TENM1: variants seen among roughly 807,000 people sequenced by gnomAD.
The protein encoded by TENM1 is teneurin-1.
In TENM1, 35 loss-of-function variants were observed where a neutral mutation model predicts 174.8. The observed-to-expected ratio is 0.20, with a 90% CI of 0.15 to 0.27. TENM1 has a LOEUF of 0.27. Among genes scored for constraint, TENM1 ranks in the 10% least tolerant of loss-of-function variants. The pLI is 1.00. For synonymous variants in TENM1, 781 were observed against 798.7 expected, an observed-to-expected ratio of 0.98 and a Z score of 0.37; for missense variants, 1,633 against 2,130.1, an observed-to-expected ratio of 0.77 and a Z score of 4.59.
intron 3 of TENM1, among the ~76,000 whole-genome samples, chrX:124,843,033 C>A (rs1206135754): frequency 9.0e-6 from 1 of 111,044 alleles, no homozygotes; most frequent in Non-Finnish European, 1.9e-5. Flanking sequence ...CAGGTCCTTT[C>A]ATCAAGCATG....
At chrX:125,182,990 T>G in the TENM1 span, among the ~76,000 whole-genome samples, 1 of 112,023 alleles carries the variant, frequency 8.9e-6, no homozygotes. Context: ...ATCAGTGGAA[T>G]GCAGAGCAAA....
chrX:124,751,613 G>A (rs2054071120), intron 3 of TENM1, among the ~76,000 whole-genome samples: 1 of 106,337 alleles, frequency 9.4e-6, no homozygotes, highest in African/African-American at 3.4e-5. Context: ...TTAGCATTAG[G>A]TTTATCTCCT....
chrX:124,488,190 T>C (rs138854073), intron 20 of TENM1, among the ~76,000 whole-genome samples: 3 of 112,249 alleles, frequency 2.7e-5, no homozygotes, highest in Admixed American at 9.4e-5. Context: ...AGTCTGTGTA[T>C]AGGCCTGACT....
At chrX:124,608,064 C>A (rs749638799) in intron 11 of TENM1, among the ~76,000 whole-genome samples, 2 of 111,015 alleles carry the variant, frequency 1.8e-5, no homozygotes, top group South Asian at 3.8e-4. Context: ...ATGTGTAAAT[C>A]GATTGCTACA....
intron 3 of TENM1, among the ~76,000 whole-genome samples, chrX:124,788,110 T>TA (rs1207290373): frequency 9.0e-6 from 1 of 111,407 alleles, no homozygotes; most frequent in Non-Finnish European, 1.9e-5. Flanking sequence ...CCTGCCCCTA[T>TA]AATTCAATAA....
At chrX:125,078,695 C>T in the TENM1 span, among the ~76,000 whole-genome samples, 2 of 111,149 alleles carry the variant, frequency 1.8e-5, no homozygotes, top group Admixed American at 9.6e-5. Context: ...GCAAACAATA[C>T]AGAAATAATA....
At chrX:124,909,888 C>A (rs1029856290) in intron 1 of TENM1, among the ~76,000 whole-genome samples, 7 of 112,072 alleles carry the variant, frequency 6.2e-5, no homozygotes, top group Middle Eastern at 4.6e-3. Flanking sequence ...CATGTTATCA[C>A]CCAACTAGAG....
chrX:124,685,561 G>GTTTTTTTT (rs201481902), intron 5 of TENM1, among the ~76,000 whole-genome samples: 1 of 94,496 alleles, frequency 1.1e-5, no homozygotes, highest in African/African-American at 4.0e-5. Context: ...AAGCAAATCT[G>GTTTTTTTT]TTTTTTTTTT....
chrX:124,572,756 T>G (rs926621614), intron 11 of TENM1, among the ~76,000 whole-genome samples: 1 of 111,134 alleles, frequency 9.0e-6, no homozygotes, highest in African/African-American at 3.3e-5. Flanking sequence ...ACGTACTTTT[T>G]TTTTCTAAAT....
intron 27 of TENM1, among the ~76,000 whole-genome samples, chrX:124,396,819 C>T (rs1306213134): frequency 9.0e-6 from 1 of 111,484 alleles, no homozygotes; most frequent in Non-Finnish European, 1.9e-5. Context: ...CTACACTAAT[C>T]CTTTCCCTGG....
intron 3 of TENM1, among the ~76,000 whole-genome samples, chrX:124,810,707 T>A (rs1425161163): frequency 9.0e-6 from 1 of 111,573 alleles, no homozygotes; most frequent in African/African-American, 3.3e-5. Flanking sequence ...CTAAAATGTA[T>A]ATGGAATCAC....
At chrX:125,028,871 G>A in the TENM1 span, among the ~76,000 whole-genome samples, 4 of 111,488 alleles carry the variant, frequency 3.6e-5, no homozygotes, top group South Asian at 3.8e-4. Context: ...TGTCTGTAAC[G>A]TTTTATTCTT....
chrX:124,724,159 A>G (rs761025978), intron 4 of TENM1, among the ~76,000 whole-genome samples: 4 of 111,608 alleles, frequency 3.6e-5, no homozygotes, highest in Non-Finnish European at 5.6e-5. Flanking sequence ...GTGTTCCAAT[A>G]TTTCCAAAAT....
chrX:125,154,237 C>A, the TENM1 span, among the ~76,000 whole-genome samples: 2 of 112,218 alleles, frequency 1.8e-5, no homozygotes, highest in East Asian at 5.6e-4. Context: ...ACTGGCATTA[C>A]ATTTTTTTAA....
At chrX:124,546,790 T>C in intron 15 of TENM1, 84 bp downstream of exon 18, 4 of 816,382 alleles carry the variant, frequency 4.9e-6, no homozygotes, top group Non-Finnish European at 7.2e-6. Flanking sequence ...GGAAGTAACC[T>C]GATCCTTAGA....
chrX:125,116,736 G>T, the TENM1 span, among the ~76,000 whole-genome samples: 2 of 112,290 alleles, frequency 1.8e-5, no homozygotes, highest in Non-Finnish European at 3.8e-5. Context: ...AAACGGCTGG[G>T]CATGGTGGCT....
chrX:124,837,340 C>T (rs1197223421), intron 3 of TENM1, among the ~76,000 whole-genome samples: 2 of 112,145 alleles, frequency 1.8e-5, no homozygotes, highest in African/African-American at 3.2e-5. Context: ...CCACCCGACT[C>T]GGCCTCCCAA....
intron 3 of TENM1, among the ~76,000 whole-genome samples, chrX:124,885,586 T>G (rs1330921374): frequency 9.0e-6 from 1 of 111,001 alleles, no homozygotes; most frequent in Non-Finnish European, 1.9e-5. Context: ...TGGATCCTGA[T>G]AAGGACACAT....
the TENM1 span, among the ~76,000 whole-genome samples, chrX:125,106,411 CTTT>C: frequency 1.0e-5 from 1 of 98,372 alleles, no homozygotes; most frequent in Non-Finnish European, 2.1e-5. Context: ...TTTTGAATAA[CTTT>C]TTTTTTTTTT....
Sources: gnomAD v4.1 joint callset for allele counts (sites outside exome capture counted in the v4.1 genomes callset) on GRCh38, gnomAD v4.1.1 for gene constraint, MANE v1.5 for transcripts, NCBI Gene and HGNC (gene_info 2026-07-23, HGNC 2026-07-21) for gene names.